Variants in FAT1 observed in about 807,000 individuals in gnomAD.
The protein encoded by FAT1 is protocadherin Fat 1.
Under a neutral mutation model 329.8 loss-of-function variants are expected in FAT1, and 171 were observed. That is an observed-to-expected ratio of 0.52 (90% confidence interval 0.46 to 0.59). The LOEUF (loss-of-function observed/expected upper bound fraction) is 0.59. Ranked by LOEUF, FAT1 falls within the 20% of genes least tolerant of loss-of-function variation. The probability of loss-of-function intolerance (pLI) is 0.00; values close to 1 mark genes in which losing one functional copy is unlikely to be tolerated. For missense variants in FAT1, 5,672 were observed against 5,774.4 expected (o/e 0.98, Z 0.57); for synonymous variants, 2,233 against 2,228.6 (o/e 1.00, Z -0.06).
Position 186,588,987 on chromosome 4 carries a change from G to A in FAT1, c.13372C>T (p.Gln4458Ter), listed in dbSNP as rs2126353788. 6.2e-7 allele frequency: 1 copy of A among 1,614,008 alleles called. No homozygotes were observed. The highest frequency in any genetic ancestry group is 8.5e-7 in the Non-Finnish European group (1 of 1,179,886). Reference sequence around the variant, plus strand: ...CTAGGAGGGTGGATGGATTCAAACTGATTGCTGAATTCGGGCGGTAACGGT... The same window carrying A: ...CTAGGAGGGTGGATGGATTCAAACTAATTGCTGAATTCGGGCGGTAACGGT... ...LPPLPPEFSNQFESIHPPRDM... is the reference protein window; with the variant it reads ...LPPLPPEFSN Residue 4458 changes from glutamine to a stop codon, truncating the protein, a stop_gained, in exon 27 of 27, where the codon CAG becomes TAG. Coordinates refer to ENST00000441802, the MANE Select transcript of FAT1 (RefSeq NM_005245.4). LOFTEE classifies it high-confidence loss of function.
chr4:186,601,352 T>G lies in FAT1; in HGVS notation c.11557A>C (p.Met3853Leu), dbSNP rs1370273024. ...RLTENENKLE[M>L]KLTMRLRTYS... is the part of the protein sequence containing the mutation. ...GTTCTGAGCCTCATGGTCAGTTTCA[T>G]CTCTAATTTGTTTTCATTTTCCGTC... is the stretch of plus-strand genomic sequence containing the variant. Residue 3853 changes from methionine (M) to leucine (L), a missense_variant, in exon 21 of 27, where the codon ATG (methionine) becomes CTG (leucine). Met to Leu is a conservative substitution (Grantham distance 15, BLOSUM62 2). This residue lies in a region of FAT1 where 1,706 missense variants were observed against 1,859.1 expected (regional missense o/e 0.92). Transcript: ENST00000441802. The G allele has an allele frequency of 6.2e-7, 1 of 1,613,502 alleles. No homozygotes were observed. The highest frequency in any genetic ancestry group is 8.5e-7 in the Non-Finnish European group (1 of 1,179,470).
chr4:186,712,134 T>A (rs915195346), intron 1 of FAT1, among the ~76,000 whole-genome samples: 1 of 152,252 alleles, frequency 6.6e-6, no homozygotes, highest in African/African-American at 2.4e-5. Flanking sequence ...GCACTCTGTA[T>A]GTTGACATAT....
chr4:186,621,741 G>T lies in FAT1; in HGVS notation c.4845C>A (p.Val1615=), dbSNP rs780324356. The change falls in exon 10 of 27, where the codon GTC becomes GTA. Residue 1615 remains valine, a synonymous_variant. Transcript: ENST00000441802. ...NIGNSFMIDP[V]LGSIKTAKEL... is the part of the protein sequence containing the mutation. ...CTTTGGCAGTTTTAATAGAGCCCAAGACAGGATCAATCATAAAAGAATTTC... is the reference window on the plus strand; with the variant it reads ...CTTTGGCAGTTTTAATAGAGCCCAATACAGGATCAATCATAAAAGAATTTC... 4 of 1,591,282 alleles carry T rather than the reference G, an allele frequency of 2.5e-6. No individual in the cohort carries two copies. In the South Asian group the frequency reaches 4.6e-5, roughly 18 times the overall value.
chr4:186,703,961 A>G (rs1207605299), intron 2 of FAT1, among the ~76,000 whole-genome samples: 3 of 152,278 alleles, frequency 2.0e-5, no homozygotes, highest in Non-Finnish European at 4.4e-5. Context: ...TTGTCCTGCC[A>G]GGAATCTCTG....
At chr4:186,613,392 AGTT>A in intron 12 of FAT1, 50 bp from the exon 13 acceptor site, 1 of 1,342,612 alleles carries the variant, frequency 7.4e-7, no homozygotes, top group Non-Finnish European at 1.1e-6. Context: ...CGTGACTTGC[AGTT>A]GTACATCTTA....
At chr4:186,714,810 T>C (rs1745131666) in intron 1 of FAT1, among the ~76,000 whole-genome samples, 1 of 152,260 alleles carries the variant, frequency 6.6e-6, no homozygotes, top group Admixed American at 6.5e-5. Flanking sequence ...CTGGGCGCGG[T>C]GGCTCACGCC....
chr4:186,699,665 C>A (rs1744205598), intron 2 of FAT1, among the ~76,000 whole-genome samples: 1 of 148,524 alleles, frequency 6.7e-6, no homozygotes, highest in South Asian at 2.1e-4. Flanking sequence ...GGAGCATGCA[C>A]TATTTATAAG....
chr4:186,682,041 A>G (rs568265979), intron 2 of FAT1, among the ~76,000 whole-genome samples: 1 of 152,206 alleles, frequency 6.6e-6, no homozygotes, highest in Non-Finnish European at 1.5e-5. Context: ...GTAAAGCATA[A>G]TAGTTCGTGT....
intron 12 of FAT1, 76 bp downstream of exon 12, chr4:186,614,115 T>C: frequency 7.8e-7 from 1 of 1,275,540 alleles, no homozygotes; most frequent in East Asian, 2.7e-5. Context: ...TCAAATTTTG[T>C]GTGTGATCTA....
chr4:186,651,404 C>T (rs1380569318), intron 3 of FAT1, among the ~76,000 whole-genome samples: 4 of 152,098 alleles, frequency 2.6e-5, no homozygotes, highest in Non-Finnish European at 5.9e-5. Flanking sequence ...CGCAAGTGAG[C>T]GGGAGTGACA....
At chr4:186,591,917 T>C (rs1738257636) in intron 26 of FAT1, among the ~76,000 whole-genome samples, 2 of 152,252 alleles carry the variant, frequency 1.3e-5, no homozygotes, top group South Asian at 4.1e-4. Flanking sequence ...TGTAAGCAGT[T>C]CTCGAGTGGG....
chr4:186,666,004 G>GTGGGGAACAATGAGAACAATGGACACAT, intron 2 of FAT1, among the ~76,000 whole-genome samples: 1 of 144,508 alleles, frequency 6.9e-6, no homozygotes, highest in Non-Finnish European at 1.5e-5. Context: ...CATGGACACA[G>GTGGGGAACAATGAGAACAATGGACACAT]GGTGGGGAAC....
chr4:186,597,879 G>C (rs2126400677), intron 23 of FAT1, 87 bp from the exon 24 acceptor site: 1 of 1,555,444 alleles, frequency 6.4e-7, no homozygotes. Flanking sequence ...GAACACATTA[G>C]CAAATTAACG....
intron 16 of FAT1, among the ~76,000 whole-genome samples, chr4:186,607,652 T>C (rs1473184895): frequency 6.6e-6 from 1 of 151,296 alleles, no homozygotes; most frequent in Non-Finnish European, 1.5e-5. Flanking sequence ...GGTGAGTGAA[T>C]AGATAACTAG....
chr4:186,637,935 T>C (rs1740910222), intron 4 of FAT1, among the ~76,000 whole-genome samples: 1 of 152,256 alleles, frequency 6.6e-6, no homozygotes. Context: ...ATTACTATTT[T>C]AATTTTAAAC....
Position 186,598,053 on chromosome 4 carries a change from T to A in FAT1, c.12176A>T (p.Lys4059Met). The A allele has an allele frequency of 6.2e-7, 1 of 1,613,872 alleles. No homozygotes were observed. The highest frequency in any genetic ancestry group is 1.1e-5 in the South Asian group (1 of 91,064). Residue 4059 changes from lysine to methionine, a missense_variant, in exon 23 of 27, where the codon AAG becomes ATG. Around this residue, in one of 2 missense-constraint regions of FAT1, gnomAD observed 1,706 missense variants for 1,859.1 expected, o/e 0.92. Coordinates refer to ENST00000441802, the MANE Select transcript of FAT1 (RefSeq NM_005245.4). ...CEISVNPCSSKPCLYGGTCVV... is the reference protein window; with the variant it reads ...CEISVNPCSSMPCLYGGTCVV... ...ACACGTGCCCCCATAGAGGCATGGCTTGGAGGAACACGGATTGACGCTTAT... is the reference window on the plus strand; with the variant it reads ...ACACGTGCCCCCATAGAGGCATGGCATGGAGGAACACGGATTGACGCTTAT...
Position 186,618,400 on chromosome 4 carries a change from T to A in FAT1, c.8186A>T (p.His2729Leu), listed in dbSNP as rs1174499299. 6.2e-7 allele frequency: 1 copy of A among 1,614,058 alleles called. No individual in the cohort carries two copies. Among genetic ancestry groups the A allele is most frequent in the Middle Eastern group, 1.6e-4 (1 of 6,062 alleles). ...GTEIDLIRAEHSGTVLYSLVK... is the reference protein window; with the variant it reads ...GTEIDLIRAELSGTVLYSLVK... ...CAGGCTGTAAAGAACAGTCCCACTA[T>A]GTTCTGCTCGGATGAGATCTATCTC... Residue 2729 changes from histidine (H) to leucine (L), a missense_variant, in exon 10 of 27, where the codon CAT (histidine) becomes CTT (leucine). His to Leu is a moderately conservative substitution (Grantham distance 99). This residue lies in a region of FAT1 where 3,966 missense variants were observed against 3,915.2 expected (regional missense o/e 1.01). Coordinates refer to ENST00000441802, the MANE Select transcript of FAT1 (RefSeq NM_005245.4).
chr4:186,598,714 T>C (rs1240488575), intron 22 of FAT1: 1 of 152,026 alleles, frequency 6.6e-6, no homozygotes, highest in Non-Finnish European at 1.5e-5. Flanking sequence ...TTTGTAGAGA[T>C]GGGGTTTCCC....
chr4:186,684,742 G>A (rs77692652), intron 2 of FAT1, among the ~76,000 whole-genome samples: 3,740 of 151,962 alleles, frequency 0.025, 178 homozygotes, highest in African/African-American at 0.086. Context: ...TTTCAGACAC[G>A]TAATACAAAC....
Sources: allele counts gnomAD v4.1 joint callset (sites outside exome capture counted in the v4.1 genomes callset), GRCh38; gene constraint gnomAD v4.1.1; regional missense constraint gnomAD v4.1.1; transcripts MANE v1.5; gene names NCBI Gene and HGNC (gene_info 2026-07-23, HGNC 2026-07-21).